GRAMD1A: variants seen among roughly 807,000 people sequenced by gnomAD.
The protein encoded by GRAMD1A is protein Aster-A.
A neutral mutation model predicts 92.0 loss-of-function variants in GRAMD1A; 50 were observed. The ratio of observed to expected loss-of-function variants is 0.54; its 90% CI spans 0.43 to 0.69. The LOEUF (loss-of-function observed/expected upper bound fraction) is 0.69, where lower values mean the gene tolerates loss of function less well. Among genes scored for constraint, GRAMD1A ranks in the 30% least tolerant of loss-of-function variants. The probability of loss-of-function intolerance (pLI) is 0.00; values close to 1 mark genes in which losing one functional copy is unlikely to be tolerated. For synonymous variants in GRAMD1A, 405 were observed against 403.6 expected (o/e 1.00, Z -0.04); for missense variants, 819 against 978.9 (o/e 0.84, Z 2.18).
chr19:35,014,854 C>T (rs1406598501), intron 10 of GRAMD1A: 2 of 167,654 alleles, frequency 1.2e-5, no homozygotes, highest in Non-Finnish European at 2.6e-5. Flanking sequence ...AAGCAAGACC[C>T]CGTTTTGTAC....
chr19:35,010,135 C>T lies in GRAMD1A; in HGVS notation c.369C>T (p.Arg123=). The change falls in exon 5 of 20, where the codon CGC becomes CGT. Residue 123 remains arginine (R), a synonymous_variant. Coordinates refer to ENST00000317991, the MANE Select transcript of GRAMD1A (RefSeq NM_020895.5). ...ALQREILLQG[R]LYLSENWICF... Reference sequence around the variant, plus strand: ...AGCGTGAGATCCTGCTCCAGGGCCGCCTCTACCTCTCTGAGAACTGGATCT... The same window carrying T: ...AGCGTGAGATCCTGCTCCAGGGCCGTCTCTACCTCTCTGAGAACTGGATCT... The T allele has an allele frequency of 6.2e-7, 1 of 1,613,508 alleles. No homozygotes were observed. Among genetic ancestry groups the T allele is most frequent in the Non-Finnish European group, 8.5e-7 (1 of 1,179,368 alleles).
chr19:35,018,001 T>C (rs1474437221), intron 11 of GRAMD1A, among the ~76,000 whole-genome samples: 1 of 152,094 alleles, frequency 6.6e-6, no homozygotes, highest in Non-Finnish European at 1.5e-5. Flanking sequence ...TTTATTTATT[T>C]ATTTTTGAGT....
chr19:35,025,732 C>G (rs1276454779), intron 19 of GRAMD1A, among the ~76,000 whole-genome samples: 1 of 152,034 alleles, frequency 6.6e-6, no homozygotes, highest in African/African-American at 2.4e-5. Flanking sequence ...TGTTATAGAC[C>G]CGTATTTCAA....
Position 35,000,473 on chromosome 19 carries a change from G to T in GRAMD1A, c.-6G>T. ...GCGCCCGGGGCGCGCCCACCGCGCC[G>T]CATCCATGTTCGAGTAAGGACCGGG... is the stretch of plus-strand genomic sequence containing the variant. On this transcript the variant is annotated 5_prime_UTR_variant, in exon 1 of 20. Coordinates refer to ENST00000317991, the MANE Select transcript of GRAMD1A (RefSeq NM_020895.5). This position sits in a 1 kb window ranked among gnomAD's most constrained non-coding sequence, Gnocchi z 4.9. 1 of 1,267,594 alleles carries T rather than the reference G, an allele frequency of 7.9e-7. No individual in the cohort carries two copies. The allele number at this position is 1,267,594 out of a possible 1,614,324, so 78.5% of individuals were successfully genotyped here. A position where few individuals can be genotyped will look rare whatever the true frequency, so the allele number is the denominator to read the frequency against.
chr19:35,019,415 G>A lies in GRAMD1A; in HGVS notation c.1357G>A (p.Ala453Thr), dbSNP rs771379443. Residue 453 changes from alanine (A) to threonine (T), a missense_variant, in exon 13 of 20, where the codon GCC becomes ACC. Ala to Thr is a moderately conservative substitution (Grantham distance 58, BLOSUM62 0). Transcript: ENST00000317991. The part of the protein sequence containing the change: ...TQTLFRRGPQ[A>T]GGCVVDSEVL... ...GACGCTGTTCCGGCGCGGCCCCCAG[G>A]CCGGCGGGTGTGTGGTGGACTCCGA... 1.2e-6 allele frequency: 2 copies of A among 1,613,874 alleles called. No homozygotes were observed. Among genetic ancestry groups the A allele is most frequent in the Admixed American group, 3.3e-5 (2 of 60,026 alleles).
chr19:35,005,016 C>G (rs1479816300), intron 1 of GRAMD1A, among the ~76,000 whole-genome samples: 1 of 152,132 alleles, frequency 6.6e-6, no homozygotes, highest in East Asian at 1.9e-4. Flanking sequence ...GGGGCCCACA[C>G]TCCAGGCTGC....
chr19:35,019,545 C>A lies in GRAMD1A; in HGVS notation c.1475+12C>A. On this transcript the variant is annotated intron_variant, in intron 13 of 19. Coordinates refer to ENST00000317991, the MANE Select transcript of GRAMD1A (RefSeq NM_020895.5). Reference sequence around the variant, plus strand: ...AAGGCGCGGCTCCGGTGAGTGGTGGCTGGGCCCCTCCACCCGATGCCCTGG... The same window carrying A: ...AAGGCGCGGCTCCGGTGAGTGGTGGATGGGCCCCTCCACCCGATGCCCTGG... 3.1e-6 allele frequency: 5 copies of A among 1,612,984 alleles called. No homozygotes were observed. Among genetic ancestry groups the A allele is most frequent in the Non-Finnish European group, 4.2e-6 (5 of 1,179,328 alleles).
intron 5 of GRAMD1A, 37 bp downstream of exon 5, chr19:35,010,232 C>A: frequency 6.3e-7 from 1 of 1,584,540 alleles, no homozygotes; most frequent in South Asian, 1.1e-5. Context: ...GGGGCGGGGG[C>A]CCCCATGGCC....
intron 13 of GRAMD1A, among the ~76,000 whole-genome samples, chr19:35,020,640 C>G (rs2015979704): frequency 1.5e-5 from 2 of 130,330 alleles, no homozygotes; most frequent in Non-Finnish European, 3.1e-5. Flanking sequence ...GCCTGGGCGA[C>G]AGAGCAAGAC....
At chr19:35,011,758 G>GT (rs1417994339) in intron 7 of GRAMD1A, among the ~76,000 whole-genome samples, 2 of 152,210 alleles carry the variant, frequency 1.3e-5, no homozygotes, top group Middle Eastern at 3.2e-3. Flanking sequence ...GTAAACCGTC[G>GT]TAATTCTTCC....
chr19:35,021,356 T>TGG lies in GRAMD1A; in HGVS notation c.1476-141_1476-140dup. On this transcript the variant is annotated intron_variant, in intron 13 of 19. Coordinates refer to ENST00000317991, the MANE Select transcript of GRAMD1A (RefSeq NM_020895.5). This position sits in a 1 kb window ranked among gnomAD's most constrained non-coding sequence, Gnocchi z 5.3. Reference sequence around the variant, plus strand: ...GTGTATGGGGTATCCAGGGAAGCCATGGGGGGTAGGGAACCCATCTGTTTT... The same window carrying TGG: ...GTGTATGGGGTATCCAGGGAAGCCATGGGGGGGGTAGGGAACCCATCTGTTTT... 1.5e-6 allele frequency: 1 copy of TGG among 650,998 alleles called. No homozygotes were observed. 40.3% of individuals were successfully genotyped at this position (650,998 alleles called of 1,614,324 possible).
rs940976295 is a variant in GRAMD1A at position 35,026,293 on chromosome 19, C to T, written c.*152C>T. On this transcript the variant is annotated 3_prime_UTR_variant, in exon 20 of 20. Coordinates refer to ENST00000317991, the MANE Select transcript of GRAMD1A (RefSeq NM_020895.5). ...CTGTGCAGACGTGGGGACCACGGAA[C>T]CGAGATGCACTTTAGACCAGGGAGC... 3 of 599,678 alleles carry T rather than the reference C, an allele frequency of 5.0e-6. No homozygotes were observed. In the East Asian group the frequency reaches 8.3e-5, roughly 17 times the overall value. The allele number at this position is 599,678 out of a possible 1,614,324, so 37.1% of individuals were successfully genotyped here. A position where few individuals can be genotyped will look rare whatever the true frequency, so the allele number is the denominator to read the frequency against.
At chr19:34,996,857 T>C (rs971183271), upstream of GRAMD1A, among the ~76,000 whole-genome samples, 5 of 152,046 alleles carry the variant, frequency 3.3e-5, no homozygotes, top group African/African-American at 1.2e-4. Flanking sequence ...ACCCAGTGTT[T>C]TTCAAACTGT....
intron 1 of GRAMD1A, chr19:35,006,029 A>G (rs1022050664): frequency 2.2e-6 from 1 of 455,418 alleles, no homozygotes; most frequent in Non-Finnish European, 4.4e-6. Flanking sequence ...CTGCCTTGAA[A>G]TAAACCAAGC....
chr19:35,004,700 G>A (rs1237621775), intron 1 of GRAMD1A, among the ~76,000 whole-genome samples: 22 of 152,134 alleles, frequency 1.4e-4, no homozygotes, highest in Non-Finnish European at 3.2e-4. Flanking sequence ...CGTAGTGCTT[G>A]TGAGGTCCCT....
At chr19:35,001,028 T>C (rs999112417) in intron 1 of GRAMD1A, 1 of 152,018 alleles carries the variant, frequency 6.6e-6, no homozygotes, top group African/African-American at 2.4e-5. Context: ...CAGGACCGCG[T>C]GCTTGAGGTC....
In GRAMD1A at chr19:35,013,605, C is replaced by A. The variant is rs781011646; in HGVS notation, c.784C>A (p.Arg262Ser). Reference protein sequence around the residue: ...SDITSSGAADRSQEPSPVGSR... With the variant: ...SDITSSGAADSSQEPSPVGSR... ...CATCACCTCCTCGGGGGCAGCTGAC[C>A]GCAGCCAGGAGCCAAGCCCAGTGGG... Residue 262 changes from arginine to serine, a missense_variant, in exon 9 of 20, where the codon CGC becomes AGC. Transcript: ENST00000317991. This position sits in a 1 kb window ranked among gnomAD's most constrained non-coding sequence, Gnocchi z 4.9. 1.9e-6 allele frequency: 3 copies of A among 1,613,456 alleles called. No homozygotes were observed. The highest frequency in any genetic ancestry group is 1.3e-5 in the African/African-American group (1 of 74,916).
rs780797330 is a variant in GRAMD1A at position 35,021,576 on chromosome 19, G to A, written c.1550G>A (p.Ser517Asn). The A allele has an allele frequency of 1.9e-6, 3 of 1,614,176 alleles. No individual in the cohort carries two copies. In the East Asian group the frequency reaches 6.7e-5, roughly 36 times the overall value. ...VKSLIEKNSW[S>N]GIEDYFHHLE... is the part of the protein sequence containing the mutation. Reference sequence around the variant, plus strand: ...TCGCTCATTGAGAAGAACTCGTGGAGCGGCATTGAAGACTATTTCCACCAT... The same window carrying A: ...TCGCTCATTGAGAAGAACTCGTGGAACGGCATTGAAGACTATTTCCACCAT... Residue 517 changes from serine (S) to asparagine (N), a missense_variant, in exon 14 of 20, where the codon AGC becomes AAC. Transcript: ENST00000317991. The surrounding 1 kb of genome is among the most constrained non-coding windows in gnomAD (Gnocchi z 5.3).
Position 35,013,479 on chromosome 19 carries a change from A to G in GRAMD1A, c.720-62A>G. On this transcript the variant is annotated intron_variant, in intron 8 of 19. Coordinates refer to ENST00000317991, the MANE Select transcript of GRAMD1A (RefSeq NM_020895.5). The surrounding 1 kb of genome is among the most constrained non-coding windows in gnomAD (Gnocchi z 4.9). Reference sequence around the variant, plus strand: ...GAGATGGTTGTATGACGTCTGGAGGATTCAGGAGGGTGTATGGGGTCTCAA... The same window carrying G: ...GAGATGGTTGTATGACGTCTGGAGGGTTCAGGAGGGTGTATGGGGTCTCAA... 1.3e-6 allele frequency: 2 copies of G among 1,561,646 alleles called. No homozygotes were observed. Among genetic ancestry groups the G allele is most frequent in the Non-Finnish European group, 1.8e-6 (2 of 1,140,346 alleles).
Sources: allele counts gnomAD v4.1 joint callset (sites outside exome capture counted in the v4.1 genomes callset), GRCh38; gene constraint gnomAD v4.1.1; non-coding constraint Gnocchi (gnomAD v3.1); transcripts MANE v1.5; gene names NCBI Gene and HGNC (gene_info 2026-07-23, HGNC 2026-07-21).